The following DPP6 variants were observed in gnomAD, a reference collection of about 807,000 sequenced individuals.
DPP6 encodes dipeptidyl peptidase like 6.
A neutral mutation model predicts 122.6 loss-of-function variants in DPP6; 69 were observed. The ratio of observed to expected loss-of-function variants is 0.56; its 90% CI spans 0.46 to 0.69. The LOEUF (loss-of-function observed/expected upper bound fraction) is 0.69. Ranked by LOEUF, DPP6 falls within the 30% of genes least tolerant of loss-of-function variation. The pLI is 0.00. For missense variants in DPP6, 928 were observed against 1,116.9 expected (o/e 0.83, Z 2.41); for synonymous variants, 418 against 433.1 (o/e 0.97, Z 0.43).
intron 1 of DPP6, among the ~76,000 whole-genome samples, chr7:154,152,765 T>C (rs1270247427): frequency 2.0e-5 from 3 of 152,222 alleles, no homozygotes; most frequent in African/African-American, 4.8e-5. Flanking sequence ...TGGGGGACTC[T>C]GTAGCTACAG....
chr7:154,760,408 T>C lies in DPP6; in HGVS notation c.884-9009T>C, dbSNP rs558720084. Reference sequence around the variant, plus strand: ...CAAGCTCATTCTGCACAGACCCCAGTTGACCAACTTGGTTCTGACAGACTT... The same window carrying C: ...CAAGCTCATTCTGCACAGACCCCAGCTGACCAACTTGGTTCTGACAGACTT... On this transcript the variant is annotated intron_variant, in intron 8 of 25. Coordinates refer to ENST00000377770, the MANE Select transcript of DPP6 (RefSeq NM_130797.4). The surrounding 1 kb of genome is among the most constrained non-coding windows in gnomAD (Gnocchi z 4.5). 2.6e-5 allele frequency among the ~76,000 whole-genome samples: 4 copies of C among 152,178 alleles called. No homozygotes were observed. Among genetic ancestry groups the C allele is most frequent in the East Asian group, 3.9e-4 (2 of 5,176 alleles).
chr7:153,965,968 G>A (rs1795690944), intron 1 of DPP6, among the ~76,000 whole-genome samples: 1 of 151,416 alleles, frequency 6.6e-6, no homozygotes, highest in African/African-American at 2.4e-5. Flanking sequence ...TCCCTACAGA[G>A]AAAGTCACAC....
At chr7:154,073,046 C>T (rs1489508062) in intron 1 of DPP6, among the ~76,000 whole-genome samples, 1 of 152,224 alleles carries the variant, frequency 6.6e-6, no homozygotes, top group Admixed American at 6.5e-5. Flanking sequence ...CGTTTTGCTG[C>T]CATCTCGGGC....
rs150869882 is a variant in DPP6 at position 154,791,861 on chromosome 7, G to A, written c.1137-2218G>A. Among the ~76,000 whole-genome samples the A allele has an allele frequency of 1.6e-3, 250 of 152,312 alleles. 1 individual carries two copies. The highest frequency in any genetic ancestry group is 5.7e-3 in the African/African-American group (237 of 41,564). ...CTCAGCCTAGTGACATTTCCAGCAC[G>A]ATTTGTTCTGGAGGCATCAAGAGAA... On this transcript the variant is annotated intron_variant, in intron 10 of 25. Transcript: ENST00000377770.
At position 154,475,055 on chromosome 7, in the gene DPP6, G is replaced by C; in HGVS notation, c.457+18G>C. 6.3e-7 allele frequency: 1 copy of C among 1,590,494 alleles called. No homozygotes were observed. The highest frequency in any genetic ancestry group is 8.6e-7 in the Non-Finnish European group (1 of 1,158,858). ...GATAAGTGGTGAGTCCAGGTCCTTCGTGCACAAGACATCGCTTCCCCATGC... is the reference window on the plus strand; with the variant it reads ...GATAAGTGGTGAGTCCAGGTCCTTCCTGCACAAGACATCGCTTCCCCATGC... On this transcript the variant is annotated intron_variant, in intron 3 of 25. Coordinates refer to ENST00000377770, the MANE Select transcript of DPP6 (RefSeq NM_130797.4).
At chr7:154,648,421 G>A (rs1484865883) in intron 6 of DPP6, among the ~76,000 whole-genome samples, 5 of 152,250 alleles carry the variant, frequency 3.3e-5, no homozygotes, top group Non-Finnish European at 5.9e-5. Flanking sequence ...CTCCTGCAGA[G>A]GGTTGGACAC....
the DPP6 span, among the ~76,000 whole-genome samples, chr7:153,873,986 A>G: frequency 3.5e-4 from 54 of 152,346 alleles, no homozygotes; most frequent in African/African-American, 1.2e-3. Context: ...CTAGAAAAAA[A>G]GAATTAGAGA....
chr7:154,832,343 T>C (rs539853518), intron 16 of DPP6, among the ~76,000 whole-genome samples: 111 of 152,300 alleles, frequency 7.3e-4, no homozygotes, highest in Admixed American at 2.6e-3. Context: ...CCAGGGACTT[T>C]GTTGGAACCA....
At chr7:154,180,241 G>A (rs1798002999) in intron 1 of DPP6, among the ~76,000 whole-genome samples, 1 of 151,710 alleles carries the variant, frequency 6.6e-6, no homozygotes, top group South Asian at 2.1e-4. Flanking sequence ...TCAGCTACTC[G>A]GGAGGCTGAG....
intron 3 of DPP6, among the ~76,000 whole-genome samples, chr7:154,497,074 C>T (rs1320594652): frequency 6.7e-6 from 1 of 150,232 alleles, no homozygotes; most frequent in Non-Finnish European, 1.5e-5. Flanking sequence ...CCCCATGAAC[C>T]ATTGTAGGTT....
At chr7:154,639,810 C>G (rs528773095) in intron 6 of DPP6, among the ~76,000 whole-genome samples, 74 of 152,282 alleles carry the variant, frequency 4.9e-4, no homozygotes, top group African/African-American at 1.7e-3. Flanking sequence ...TATTGGTTAG[C>G]TTTCATATAC....
the DPP6 span, among the ~76,000 whole-genome samples, chr7:153,880,895 T>C: frequency 6.6e-6 from 1 of 152,222 alleles, no homozygotes; most frequent in East Asian, 1.9e-4. Flanking sequence ...TTTCTTTCAC[T>C]CTTAGTCTAC....
intron 5 of DPP6, among the ~76,000 whole-genome samples, chr7:154,595,322 T>A (rs1406229780): frequency 3.3e-5 from 5 of 152,134 alleles, no homozygotes; most frequent in Admixed American, 3.3e-4. Context: ...AGAGAAAGAG[T>A]CCTGGACTCA....
chr7:154,242,554 G>A (rs1801691989), intron 1 of DPP6, among the ~76,000 whole-genome samples: 1 of 152,142 alleles, frequency 6.6e-6, no homozygotes, highest in Non-Finnish European at 1.5e-5. Context: ...ATGTTTTAAG[G>A]CATTAAACAA....
chr7:153,964,999 T>TCATTTCTTTTCCCTCC (rs1795616525), intron 1 of DPP6, among the ~76,000 whole-genome samples: 1 of 62,456 alleles, frequency 1.6e-5, no homozygotes, highest in African/African-American at 7.6e-5. Flanking sequence ...TTCCTTCCTT[T>TCATTTCTTTTCCCTCC]CTTCCTTCCT....
intron 5 of DPP6, among the ~76,000 whole-genome samples, chr7:154,623,549 C>T (rs552151847): frequency 1.3e-5 from 2 of 151,514 alleles, no homozygotes; most frequent in East Asian, 4.0e-4. Context: ...CACACACACA[C>T]GCACACACGC....
At chr7:154,726,177 G>A (rs1220477551) in intron 7 of DPP6, among the ~76,000 whole-genome samples, 3 of 152,164 alleles carry the variant, frequency 2.0e-5, no homozygotes, top group Non-Finnish European at 4.4e-5. Flanking sequence ...CCATTCTAGG[G>A]TCTGGAAGAC....
chr7:154,572,431 C>T (rs1166067900), intron 5 of DPP6, among the ~76,000 whole-genome samples: 2 of 151,478 alleles, frequency 1.3e-5, no homozygotes, highest in Admixed American at 6.6e-5. Flanking sequence ...ATTATTGAAC[C>T]CATATTGTGG....
chr7:154,337,984 C>A (rs1401793427), intron 1 of DPP6, among the ~76,000 whole-genome samples: 6 of 152,202 alleles, frequency 3.9e-5, no homozygotes, highest in African/African-American at 1.4e-4. Flanking sequence ...GACTCCAGCC[C>A]CTCCTCCGTT....
Sources: allele counts gnomAD v4.1 joint callset (sites outside exome capture counted in the v4.1 genomes callset), GRCh38; gene constraint gnomAD v4.1.1; non-coding constraint Gnocchi (gnomAD v3.1); transcripts MANE v1.5; gene names NCBI Gene and HGNC (gene_info 2026-07-23, HGNC 2026-07-21).